Variants in CEP72 observed in about 807,000 individuals in gnomAD.
The protein encoded by CEP72 is centrosomal protein of 72 kDa.
In CEP72, 78 loss-of-function variants were observed where a neutral mutation model predicts 65.7. The ratio of observed to expected loss-of-function variants is 1.19; its 90% CI spans 0.99 to 1.43. The LOEUF is 1.43. Ranked by LOEUF, CEP72 falls within the 40% of genes most tolerant of loss-of-function variation. The pLI is 0.00. For missense variants in CEP72, 914 were observed against 832.9 expected (o/e 1.10, Z -1.20); for synonymous variants, 358 against 351.7 (o/e 1.02, Z -0.20).
downstream of CEP72, among the ~76,000 whole-genome samples, chr5:657,930 G>A (rs1485427981): frequency 1.3e-5 from 2 of 152,232 alleles, no homozygotes; most frequent in Admixed American, 6.5e-5. Flanking sequence ...TTTGTAGCTG[G>A]CAGTGACTTC....
At chr5:641,530 A>G (rs1200524450) in intron 9 of CEP72, 2 of 982,332 alleles carry the variant, frequency 2.0e-6, no homozygotes, top group South Asian at 4.7e-5. Flanking sequence ...GAGAAGAAAA[A>G]CACAGCAAAA....
intron 7 of CEP72, 118 bp downstream of exon 7, chr5:637,936 C>T: frequency 2.0e-6 from 2 of 1,014,556 alleles, no homozygotes; most frequent in Non-Finnish European, 2.8e-6. Flanking sequence ...CTCCCTGATG[C>T]AGGGCTGTTA....
chr5:636,684 C>T (rs993846376), intron 6 of CEP72, among the ~76,000 whole-genome samples: 2 of 151,816 alleles, frequency 1.3e-5, no homozygotes, highest in Non-Finnish European at 2.9e-5. Flanking sequence ...GTGGCGGGCA[C>T]CTATAGTCCC....
chr5:675,149 A>AGGGGTGCAGTGTGGCTG, the CEP72 span, among the ~76,000 whole-genome samples: 1 of 85,932 alleles, frequency 1.2e-5, no homozygotes, highest in African/African-American at 4.6e-5. Context: ...CAGTGTGGCC[A>AGGGGTGCAGTGTGGCTG]GGGGTGCAGT....
At chr5:614,685 TG>T (rs1229040920) in intron 1 of CEP72, among the ~76,000 whole-genome samples, 1 of 152,182 alleles carries the variant, frequency 6.6e-6, no homozygotes, top group Non-Finnish European at 1.5e-5. Context: ...TTAAGGAGTA[TG>T]TTTTTAACGT....
chr5:620,777 T>TC (rs1736338203), intron 3 of CEP72, among the ~76,000 whole-genome samples: 1 of 152,224 alleles, frequency 6.6e-6, no homozygotes, highest in Non-Finnish European at 1.5e-5. Flanking sequence ...GAAAAGGCTT[T>TC]CCATGACAGT....
chr5:628,552 A>C (rs111441867), intron 4 of CEP72, among the ~76,000 whole-genome samples: 2,762 of 25,266 alleles, frequency 0.11, 3 homozygotes, highest in Middle Eastern at 0.22. Context: ...CTCAGGTTGC[A>C]GTCCCCGGGG....
intron 2 of CEP72, among the ~76,000 whole-genome samples, chr5:619,839 G>A (rs1409255325): frequency 6.6e-6 from 1 of 152,204 alleles, no homozygotes; most frequent in East Asian, 1.9e-4. Flanking sequence ...GTAGATATTA[G>A]CTGTGCTTAG....
At chr5:616,357 G>GT (rs1735989495) in intron 1 of CEP72, among the ~76,000 whole-genome samples, 2 of 151,398 alleles carry the variant, frequency 1.3e-5, no homozygotes, top group African/African-American at 4.9e-5. Context: ...GCTAAGACTA[G>GT]TTTTTCCTTT....
Position 637,696 on chromosome 5 carries a change from G to A in CEP72, c.1084G>A (p.Val362Met), listed in dbSNP as rs201362331. The A allele has an allele frequency of 2.7e-5, 44 of 1,613,678 alleles. No individual in the cohort carries two copies. Among genetic ancestry groups the A allele is most frequent in the Non-Finnish European group, 3.6e-5 (42 of 1,180,026 alleles). The change falls in exon 7 of 12, where the codon GTG becomes ATG. Residue 362 changes from valine (V) to methionine (M), a missense_variant. Physicochemically the swap from Val to Met is conservative, Grantham distance 21. Coordinates refer to ENST00000264935, the MANE Select transcript of CEP72 (RefSeq NM_018140.4). ...GCPERTHGSSVPKESLSRQDS... is the reference protein window; with the variant it reads ...GCPERTHGSSMPKESLSRQDS... ...CCCGGAGAGAACTCATGGGTCCTCC[G>A]TGCCCAAGGAGAGCCTGAGCAGACA...
intron 11 of CEP72, among the ~76,000 whole-genome samples, chr5:648,427 G>T (rs1475516825): frequency 6.8e-6 from 1 of 147,032 alleles, no homozygotes; most frequent in Non-Finnish European, 1.5e-5. Context: ...TGGGGTGTGG[G>T]CTGTGAGGTA....
At chr5:641,752 G>T in intron 9 of CEP72, 1 of 981,620 alleles carries the variant, frequency 1.0e-6, no homozygotes, top group Non-Finnish European at 1.2e-6. Flanking sequence ...CCATCCAGAA[G>T]CCTGTGCATT....
rs556441577 is a variant in CEP72 at position 644,337 on chromosome 5, G to C, written c.1578G>C (p.Glu526Asp). ...LRQHLDKSLE[E>D]NSRLKSLLLS... The stretch of plus-strand genomic sequence containing the variant: ...AACATTTAGATAAATCTTTGGAAGA[G>C]AACAGTAGGTTAAAATCGCTTTTGT... The change falls in exon 10 of 12, where the codon GAG becomes GAC. Residue 526 changes from glutamate to aspartate, a missense_variant. By Grantham distance (45) the Glu-to-Asp change is conservative (BLOSUM62 2). Transcript: ENST00000264935. 6.2e-7 allele frequency: 1 copy of C among 1,613,924 alleles called. No homozygotes were observed. Among genetic ancestry groups the C allele is most frequent in the South Asian group, 1.1e-5 (1 of 91,078 alleles).
chr5:649,212 GGACTGTGAGGTGT>G (rs1450003119), intron 11 of CEP72, among the ~76,000 whole-genome samples: 2,335 of 78,264 alleles, frequency 0.03, 99 homozygotes, highest in African/African-American at 0.046. Context: ...TGTGAGGTGT[GGACTGTGAGGTGT>G]GACTGTGAGG....
In CEP72 at chr5:612,375, G is replaced by GC. The variant is rs1561018551; in HGVS notation, c.17dup (p.Arg7SerfsTer23). The GC allele has an allele frequency of 6.7e-7, 1 of 1,491,172 alleles. No individual in the cohort carries two copies. The highest frequency in any genetic ancestry group is 1.3e-5 in the South Asian group (1 of 79,652). The allele number at this position is 1,491,172 out of a possible 1,614,324, so 92.4% of individuals were successfully genotyped here. ...TCCGTTTGAAACATGGCGCGGGCTGGCCCTCGGCTGGTGCTGAGCGAGGAG... is the reference window on the plus strand; with the variant it reads ...TCCGTTTGAAACATGGCGCGGGCTGGCCCCTCGGCTGGTGCTGAGCGAGGAG... On this transcript the variant is annotated frameshift_variant, in exon 1 of 12. Coordinates refer to ENST00000264935, the MANE Select transcript of CEP72 (RefSeq NM_018140.4). LOFTEE classifies it high-confidence loss of function.
downstream of CEP72, among the ~76,000 whole-genome samples, chr5:668,386 C>T (rs1174213889): frequency 1.9e-5 from 2 of 103,184 alleles, no homozygotes; most frequent in African/African-American, 4.3e-5. Context: ...GCGTGGGCCT[C>T]GTCAGGGAAG....
At chr5:659,666 C>T (rs144788807), downstream of CEP72, among the ~76,000 whole-genome samples, 103 of 152,324 alleles carry the variant, frequency 6.8e-4, 1 homozygote, top group African/African-American at 2.2e-3. Flanking sequence ...GGCTGGTCCG[C>T]CTGCTCCTCC....
chr5:652,935 C>T (rs1443400145), intron 11 of CEP72, 53 bp from the exon 12 acceptor site: 3 of 1,508,576 alleles, frequency 2.0e-6, no homozygotes, highest in African/African-American at 1.4e-5. Context: ...GTGAGGGCCA[C>T]ACCGCTGGAG....
intron 1 of CEP72, among the ~76,000 whole-genome samples, chr5:614,278 A>G (rs1396604494): frequency 2.0e-5 from 3 of 151,898 alleles, no homozygotes; most frequent in Admixed American, 6.6e-5. Flanking sequence ...AAAACTGTAG[A>G]TTATTGATTT....
Sources: allele counts gnomAD v4.1 joint callset (sites outside exome capture counted in the v4.1 genomes callset), GRCh38; gene constraint gnomAD v4.1.1; transcripts MANE v1.5; gene names NCBI Gene and HGNC (gene_info 2026-07-23, HGNC 2026-07-21).